Variants in NBN observed in about 807,000 individuals in gnomAD.
The protein encoded by NBN is nibrin, also known as Nijmegen breakage syndrome 1 (nibrin).
NBN carries 88 observed loss-of-function variants against 90.8 expected under a neutral mutation model. That is an observed-to-expected ratio of 0.97 (90% CI 0.82 to 1.16). NBN has a LOEUF of 1.16. Ranked by LOEUF, NBN falls within the 50% of genes most tolerant of loss-of-function variation. The pLI, the probability that NBN is intolerant of heterozygous loss-of-function variation, is 0.00. For synonymous variants in NBN, 328 were observed against 295.1 expected (o/e 1.11, Z -1.14); for missense variants, 894 against 869.6 (o/e 1.03, Z -0.35).
intron 5 of NBN, among the ~76,000 whole-genome samples, chr8:89,977,143 G>A (rs1811799449): frequency 6.6e-6 from 1 of 152,042 alleles, no homozygotes; most frequent in Non-Finnish European, 1.5e-5. Context: ...ATGGTGGTCT[G>A]CTGCACCTAT....
intron 6 of NBN, among the ~76,000 whole-genome samples, 164 bp downstream of exon 6, chr8:89,971,009 C>T (rs1262272497): frequency 2.0e-5 from 3 of 152,172 alleles, no homozygotes; most frequent in Non-Finnish European, 4.4e-5. Context: ...GTAATCACAG[C>T]CATGATCACT....
rs1005529527 is a variant in NBN, at chr8:89,946,373, A to C, written c.1915-78T>G. 6.8e-6 allele frequency: 9 copies of C among 1,320,606 alleles called. No homozygotes were observed. The Admixed American group carries it at 1.6e-4, about 23-fold the overall frequency. The allele number at this position is 1,320,606 out of a possible 1,614,324, so 81.8% of individuals were successfully genotyped here. A position where few individuals can be genotyped will look rare whatever the true frequency, so the allele number is the denominator to read the frequency against. On this transcript the variant is annotated intron_variant, in intron 12 of 15. Coordinates refer to ENST00000265433, the MANE Select transcript of NBN (RefSeq NM_002485.5). ...AGTCACTTGTCATTTGGGAATCTAT[A>C]GAAAAAAGTTCAAATACCTGAAAAA...
At chr8:89,938,884 AG>A (rs1225975474) in intron 14 of NBN, among the ~76,000 whole-genome samples, 1 of 152,202 alleles carries the variant, frequency 6.6e-6, no homozygotes, top group Non-Finnish European at 1.5e-5. Context: ...ACATTCTTAG[AG>A]GTTGCCTGGG....
intron 8 of NBN, among the ~76,000 whole-genome samples, chr8:89,960,390 G>A (rs1480204223): frequency 6.6e-6 from 1 of 151,422 alleles, no homozygotes; most frequent in South Asian, 2.1e-4. Flanking sequence ...GAGGTGGCTC[G>A]CTGCTGCTCA....
At chr8:89,940,108 T>C (rs1000731792) in intron 14 of NBN, among the ~76,000 whole-genome samples, 10 of 152,014 alleles carry the variant, frequency 6.6e-5, no homozygotes, top group Admixed American at 2.6e-4. Flanking sequence ...ATTTTTGAGA[T>C]GTGGCCTTGC....
chr8:89,974,033 A>C (rs1811633189), intron 5 of NBN, among the ~76,000 whole-genome samples: 1 of 152,124 alleles, frequency 6.6e-6, no homozygotes, highest in Non-Finnish European at 1.5e-5. Flanking sequence ...AATTCTTTAC[A>C]TGATCTTCAA....
chr8:89,943,167 T>C (rs1233034768), intron 14 of NBN, 86 bp downstream of exon 14: 1 of 1,383,286 alleles, frequency 7.2e-7, no homozygotes, highest in African/African-American at 1.4e-5. Context: ...TATTTTAATT[T>C]GGTTTTAAGA....
intron 8 of NBN, among the ~76,000 whole-genome samples, chr8:89,963,600 T>A (rs1811101418): frequency 6.6e-6 from 1 of 152,192 alleles, no homozygotes; most frequent in Admixed American, 6.5e-5. Context: ...GTGTTTTAAC[T>A]AATAAAGGGG....
chr8:89,951,014 T>G (rs1810420073), intron 11 of NBN, among the ~76,000 whole-genome samples: 1 of 151,804 alleles, frequency 6.6e-6, no homozygotes, highest in Admixed American at 6.6e-5. Context: ...TGGGATGGAA[T>G]TTAAGGGAAA....
At chr8:89,963,184 G>A (rs1013400140) in intron 8 of NBN, among the ~76,000 whole-genome samples, 2 of 140,402 alleles carry the variant, frequency 1.4e-5, no homozygotes, top group Admixed American at 7.3e-5. Flanking sequence ...CTGGTCATTA[G>A]GCCGTAATGG....
intron 9 of NBN, among the ~76,000 whole-genome samples, chr8:89,957,728 G>C (rs1362373855): frequency 6.6e-6 from 1 of 151,936 alleles, no homozygotes. Context: ...TTCCCATTGT[G>C]TTACAATTGC....
At chr8:89,943,213 T>A in intron 14 of NBN, 40 bp downstream of exon 14, 11 of 1,610,890 alleles carry the variant, frequency 6.8e-6, no homozygotes, top group Non-Finnish European at 9.3e-6. Flanking sequence ...TGGACCAAAG[T>A]GCAATTTAAG....
chr8:89,956,859 C>T (rs1810738807), intron 9 of NBN, among the ~76,000 whole-genome samples: 2 of 152,056 alleles, frequency 1.3e-5, no homozygotes, highest in African/African-American at 2.4e-5. Context: ...GATGCTGGTC[C>T]CATAAGATTA....
intron 11 of NBN, among the ~76,000 whole-genome samples, chr8:89,952,132 G>A (rs1810473140): frequency 6.6e-6 from 1 of 152,110 alleles, no homozygotes; most frequent in African/African-American, 2.4e-5. Flanking sequence ...TTAATACCAT[G>A]GGAAGCAGCT....
chr8:89,937,049 C>T lies in NBN; in HGVS notation c.2211G>A (p.Glu737=), dbSNP rs753596803. The T allele has an allele frequency of 6.2e-7, 1 of 1,612,108 alleles. No individual in the cohort carries two copies. The highest frequency in any genetic ancestry group is 1.3e-5 in the African/African-American group (1 of 74,886). ...MEVQNQHAKE[E]SLADDLFRYN... is the part of the protein sequence containing the mutation. ...ACCTAAAAAGATCATCAGCAAGAGA[C>T]TCTTCTTTTGCATGTTGATTTTGTA... The change falls in exon 15 of 16, where the codon GAG becomes GAA. Residue 737 remains glutamate, a synonymous_variant. Transcript: ENST00000265433.
Position 89,968,728 on chromosome 8 carries a change from C to T in NBN, c.896+1636G>A, listed in dbSNP as rs149062152. 7.7e-3 allele frequency among the ~76,000 whole-genome samples: 1,169 copies of T among 152,164 alleles called. 16 individuals carry two copies. The highest frequency in any genetic ancestry group is 0.027 in the African/African-American group (1,124 of 41,492). On this transcript the variant is annotated intron_variant, in intron 7 of 15. Coordinates refer to ENST00000265433, the MANE Select transcript of NBN (RefSeq NM_002485.5). ...TTAGAATAAGCTTCTTCCCCACTGCCGGGTTACTGCTTCCTTTATATACAT... is the reference window on the plus strand; with the variant it reads ...TTAGAATAAGCTTCTTCCCCACTGCTGGGTTACTGCTTCCTTTATATACAT...
At chr8:89,970,203 C>T (rs538815890) in intron 7 of NBN, among the ~76,000 whole-genome samples, 161 bp downstream of exon 7, 161 of 148,312 alleles carry the variant, frequency 1.1e-3, no homozygotes, top group African/African-American at 3.8e-3. Flanking sequence ...GAGCCGAGAT[C>T]GTGCCACTGC....
intron 5 of NBN, among the ~76,000 whole-genome samples, chr8:89,973,951 T>C (rs1477197229): frequency 1.3e-5 from 2 of 152,200 alleles, no homozygotes; most frequent in Non-Finnish European, 2.9e-5. Context: ...TGGTACATAT[T>C]ATGAATCATA....
In NBN at chr8:89,970,454, C is replaced by T. The variant is rs768822147; in HGVS notation, c.806G>A (p.Cys269Tyr). Residue 269 changes from cysteine to tyrosine, a missense_variant, in exon 7 of 16, where the codon TGT (cysteine) becomes TAT (tyrosine). Cys to Tyr is a radical substitution (Grantham distance 194). Transcript: ENST00000265433. Reference protein sequence around the residue: ...EHNFFLAPGTCVVDTGITNSQ... With the variant: ...EHNFFLAPGTYVVDTGITNSQ... ...GTTTGTTATTCCTGTATCAACAACA[C>T]ACGTTCCCGGAGCCAAAAAGAAATT... The T allele has an allele frequency of 2.5e-6, 4 of 1,613,930 alleles. No homozygotes were observed. Among genetic ancestry groups the T allele is most frequent in the African/African-American group, 1.3e-5 (1 of 74,912 alleles).
Sources: allele counts gnomAD v4.1 joint callset (sites outside exome capture counted in the v4.1 genomes callset), GRCh38; gene constraint gnomAD v4.1.1; transcripts MANE v1.5; gene names NCBI Gene and HGNC (gene_info 2026-07-23, HGNC 2026-07-21).